AOPEP: variants seen among roughly 807,000 people sequenced by gnomAD.
The protein encoded by AOPEP is aminopeptidase O.
In AOPEP, 77 loss-of-function variants were observed where a neutral mutation model predicts 98.1. The ratio of observed to expected loss-of-function variants is 0.78; its 90% CI spans 0.65 to 0.95. The LOEUF is 0.95. Among genes scored for constraint, AOPEP ranks in the 40% least tolerant of loss-of-function variants. AOPEP has a pLI of 0.00. For synonymous variants in AOPEP, 346 were observed against 365.3 expected, an observed-to-expected ratio of 0.95 and a Z score of 0.60; for missense variants, 1,024 against 1,024.7, an observed-to-expected ratio of 1.00 and a Z score of 0.01.
intron 7 of AOPEP, among the ~76,000 whole-genome samples, chr9:94,933,885 C>T (rs2055806929): frequency 6.6e-6 from 1 of 151,884 alleles, no homozygotes; most frequent in Admixed American, 6.6e-5. Context: ...GTAGCTGGGA[C>T]TACAGGTGCC....
intron 13 of AOPEP, among the ~76,000 whole-genome samples, chr9:95,007,471 A>G (rs957530853): frequency 5.3e-5 from 8 of 152,140 alleles, no homozygotes; most frequent in Admixed American, 1.3e-4. Flanking sequence ...CTCTTGCGTT[A>G]AAACTTAGGG....
At chr9:95,134,606 C>T in the AOPEP span, among the ~76,000 whole-genome samples, 2 of 152,238 alleles carry the variant, frequency 1.3e-5, no homozygotes, top group African/African-American at 2.4e-5. Context: ...GGGACCATGG[C>T]ACCTGCAGGT....
chr9:95,085,885 G>C (rs2070609830), intron 16 of AOPEP: 1 of 1,198,000 alleles, frequency 8.3e-7, no homozygotes, highest in Non-Finnish European at 1.1e-6. Flanking sequence ...TTTCGGAGGA[G>C]CTCCTGTTGT....
the AOPEP span, among the ~76,000 whole-genome samples, chr9:95,124,039 G>A: frequency 6.8e-6 from 1 of 146,456 alleles, no homozygotes; most frequent in South Asian, 2.2e-4. Context: ...GGGGGGTTGA[G>A]ACTGCAGTAA....
intron 1 of AOPEP, among the ~76,000 whole-genome samples, chr9:94,732,921 C>T (rs1262272856): frequency 6.6e-6 from 1 of 152,122 alleles, no homozygotes; most frequent in Admixed American, 6.5e-5. Context: ...GCAATCTTGG[C>T]CAAGTCAAGA....
intron 13 of AOPEP, chr9:95,019,051 C>T (rs1325893718): frequency 1.3e-5 from 2 of 152,054 alleles, no homozygotes; most frequent in Non-Finnish European, 2.9e-5. Context: ...AAAAATCAGG[C>T]TTGGTTTTTT....
intron 14 of AOPEP, 36 bp downstream of exon 14, chr9:95,060,846 T>TC (rs1564587943): frequency 7.6e-7 from 1 of 1,307,924 alleles, no homozygotes; most frequent in Admixed American, 1.7e-5. Context: ...AACCAGCAGG[T>TC]CCCCACTGTT....
chr9:94,753,021 G>A (rs1836184089), intron 1 of AOPEP, among the ~76,000 whole-genome samples: 1 of 152,134 alleles, frequency 6.6e-6, no homozygotes, highest in Non-Finnish European at 1.5e-5. Context: ...GTTTAAATAA[G>A]CGGCCTTTCT....
At chr9:94,849,981 G>C (rs1368347107) in intron 5 of AOPEP, among the ~76,000 whole-genome samples, 1 of 150,274 alleles carries the variant, frequency 6.7e-6, no homozygotes, top group South Asian at 2.1e-4. Flanking sequence ...GTTACAGTGA[G>C]CCAAGATCAT....
rs191612537 is a variant in AOPEP at position 94,932,545 on chromosome 9, A to G, written c.1661+4014A>G. 2.0e-5 allele frequency: 3 copies of G among 150,078 alleles called. No homozygotes were observed. In the Admixed American group the frequency reaches 2.1e-4, roughly 11 times the overall value. 9.3% of individuals were successfully genotyped at this position (150,078 alleles called of 1,614,324 possible). On this transcript the variant is annotated intron_variant, in intron 7 of 16. Transcript: ENST00000375315. The stretch of plus-strand genomic sequence containing the variant: ...GTCGCCCAGGCTGGAGTGCAGTGGC[A>G]TGATCTCTGCTCACTGCAACCTCTG...
intron 14 of AOPEP, among the ~76,000 whole-genome samples, chr9:95,070,544 G>T (rs2068386806): frequency 6.6e-6 from 1 of 152,248 alleles, no homozygotes; most frequent in Non-Finnish European, 1.5e-5. Flanking sequence ...TATAATTTCA[G>T]AGTGGCTGAA....
chr9:95,067,637 C>T (rs940086904), intron 14 of AOPEP, among the ~76,000 whole-genome samples: 2 of 152,212 alleles, frequency 1.3e-5, no homozygotes, highest in African/African-American at 4.8e-5. Context: ...CTGAAACAGC[C>T]TTTCTCAACT....
intron 13 of AOPEP, among the ~76,000 whole-genome samples, chr9:95,052,315 T>C (rs1211504314): frequency 6.6e-6 from 1 of 152,228 alleles, no homozygotes; most frequent in East Asian, 1.9e-4. Context: ...TAAAAATGTA[T>C]ATTCCTTTTA....
At chr9:95,027,636 A>G (rs549644613) in intron 13 of AOPEP, among the ~76,000 whole-genome samples, 1 of 152,186 alleles carries the variant, frequency 6.6e-6, no homozygotes, top group East Asian at 1.9e-4. Flanking sequence ...TTAAATAGTG[A>G]AGTTCTAGGT....
intron 13 of AOPEP, among the ~76,000 whole-genome samples, chr9:95,014,873 G>C (rs984860451): frequency 1.3e-5 from 2 of 152,144 alleles, no homozygotes; most frequent in African/African-American, 4.8e-5. Flanking sequence ...AAGTCAGCCT[G>C]AACAACCAGT....
intron 5 of AOPEP, among the ~76,000 whole-genome samples, chr9:94,836,953 T>C (rs2041682461): frequency 6.6e-6 from 1 of 152,102 alleles, no homozygotes; most frequent in Non-Finnish European, 1.5e-5. Flanking sequence ...TTTTTATGAA[T>C]TTTAAATGAA....
chr9:95,123,532 A>G, the AOPEP span: 1 of 513,390 alleles, frequency 1.9e-6, no homozygotes, highest in Non-Finnish European at 3.9e-6. Flanking sequence ...TGATGAAAAA[A>G]AGAAGGAACA....
At chr9:94,954,208 C>T (rs1393043004) in intron 7 of AOPEP, among the ~76,000 whole-genome samples, 1 of 152,138 alleles carries the variant, frequency 6.6e-6, no homozygotes, top group East Asian at 1.9e-4. Flanking sequence ...TCTGTAATCC[C>T]AGCTACTTGG....
chr9:94,948,301 G>GC (rs2057834235), intron 7 of AOPEP, among the ~76,000 whole-genome samples: 2 of 151,914 alleles, frequency 1.3e-5, no homozygotes, highest in South Asian at 4.2e-4. Context: ...CTTGTATAAA[G>GC]CCGTGAAACA....
Sources: allele counts gnomAD v4.1 joint callset (sites outside exome capture counted in the v4.1 genomes callset), GRCh38; gene constraint gnomAD v4.1.1; transcripts MANE v1.5; gene names NCBI Gene and HGNC (gene_info 2026-07-23, HGNC 2026-07-21).